MRE11: variants seen among roughly 807,000 people sequenced by gnomAD.
The protein encoded by MRE11 is MRE11 double strand break repair nuclease.
Under a neutral mutation model 91.7 loss-of-function variants are expected in MRE11, and 62 were observed. The ratio of observed to expected loss-of-function variants is 0.68; its 90% confidence interval spans 0.55 to 0.84. The LOEUF (loss-of-function observed/expected upper bound fraction) is 0.84, where lower values mean the gene tolerates loss of function less well. Ranked by LOEUF, MRE11 falls within the 40% of genes least tolerant of loss-of-function variation. The probability of loss-of-function intolerance (pLI) is 0.00; values close to 1 mark genes in which losing one functional copy is unlikely to be tolerated. For missense variants in MRE11, 796 were observed against 852.9 expected, an observed-to-expected ratio of 0.93 and a Z score of 0.83; for synonymous variants, 273 against 271.4, an observed-to-expected ratio of 1.01 and a Z score of -0.06.
At chr11:94,480,920 T>C (rs1946995316) in intron 4 of MRE11, among the ~76,000 whole-genome samples, 1 of 152,210 alleles carries the variant, frequency 6.6e-6, no homozygotes, top group Non-Finnish European at 1.5e-5. Flanking sequence ...TACTGTGCAC[T>C]CAGGATTGAG....
rs13447768 is a variant in MRE11, at chr11:94,416,008, G to A, written c.*4117C>T. 7,106 of 152,214 alleles carry A rather than the reference G, an allele frequency of 0.047. 236 individuals are homozygous for A. The highest frequency in any genetic ancestry group is 0.11 in the Middle Eastern group (33 of 294). The allele number at this position is 152,214 out of a possible 1,614,324, so 9.4% of individuals were successfully genotyped here. On this transcript the variant is annotated 3_prime_UTR_variant, in exon 20 of 20. Coordinates refer to ENST00000323929, the MANE Select transcript of MRE11 (RefSeq NM_005591.4). ...GTATTTTTAGTAGAGTCGGGGTTTC[G>A]CCATGTTGGCCCTGCTGGTCTCGAA...
intron 4 of MRE11, 41 bp downstream of exon 4, chr11:94,485,883 T>C (rs1468518745): frequency 3.2e-6 from 5 of 1,586,888 alleles, no homozygotes; most frequent in South Asian, 1.1e-5. Context: ...GCAAATACCA[T>C]ACACAAGTAA....
At chr11:94,462,861 G>C (rs1023007248) in intron 11 of MRE11, among the ~76,000 whole-genome samples, 1 of 152,188 alleles carries the variant, frequency 6.6e-6, no homozygotes, top group Middle Eastern at 3.4e-3. Context: ...ATTCAGGACA[G>C]AGGCATGAGC....
chr11:94,493,045 C>G (rs539555706), intron 1 of MRE11, 139 bp from the exon 2 acceptor site: 1 of 558,436 alleles, frequency 1.8e-6, no homozygotes, highest in South Asian at 2.5e-5. Context: ...TAAGCACCCA[C>G]TATACTTTTT....
rs1323526867 is a variant in MRE11 at position 94,419,716 on chromosome 11, A to G, written c.*409T>C. On this transcript the variant is annotated 3_prime_UTR_variant, in exon 20 of 20. Coordinates refer to ENST00000323929, the MANE Select transcript of MRE11 (RefSeq NM_005591.4). ...AAACATACATAGTAACAAACAGTGA[A>G]TTTAGACATAGGTTCGCATAAATTG... is the stretch of plus-strand genomic sequence containing the variant. 2 of 241,532 alleles carry G rather than the reference A, an allele frequency of 8.3e-6. No homozygotes were observed. The highest frequency in any genetic ancestry group is 4.4e-5 in the African/African-American group (2 of 45,436). 15.0% of individuals were successfully genotyped at this position (241,532 alleles called of 1,614,324 possible).
intron 14 of MRE11, among the ~76,000 whole-genome samples, chr11:94,449,552 A>T (rs1220428970): frequency 6.6e-6 from 1 of 152,138 alleles, no homozygotes; most frequent in Non-Finnish European, 1.5e-5. Context: ...ACAATGAGCC[A>T]CTCTGCCTTC....
chr11:94,496,846 AG>A, upstream of MRE11: 1 of 1,614,048 alleles, frequency 6.2e-7, no homozygotes, highest in Non-Finnish European at 8.5e-7. Flanking sequence ...ATTCTGATGA[AG>A]ATGAGGAGCA....
At position 94,416,864 on chromosome 11, in the gene MRE11, A is replaced by T. The variant is rs1945040984; in HGVS notation, c.*3261T>A. On this transcript the variant is annotated 3_prime_UTR_variant, in exon 20 of 20. Coordinates refer to ENST00000323929, the MANE Select transcript of MRE11 (RefSeq NM_005591.4). The stretch of plus-strand genomic sequence containing the variant: ...CGTCTCAAAAAAAAAAAACAAAAAA[A>T]ACCCAAAATACTATGAATTAAATTT... 6.6e-6 allele frequency: 1 copy of T among 151,900 alleles called. No individual in the cohort carries two copies. The highest frequency in any genetic ancestry group is 1.5e-5 in the Non-Finnish European group (1 of 67,978). The allele number at this position is 151,900 out of a possible 1,614,324, so 9.4% of individuals were successfully genotyped here. A position where few individuals can be genotyped will look rare whatever the true frequency, so the allele number is the denominator to read the frequency against.
the MRE11 span, among the ~76,000 whole-genome samples, chr11:94,502,944 G>A: frequency 6.6e-6 from 1 of 151,968 alleles, no homozygotes; most frequent in Non-Finnish European, 1.5e-5. Flanking sequence ...CAAAGTGCTG[G>A]GATTACAGAC....
rs1555005270 is a variant in MRE11 at position 94,447,227 on chromosome 11, CTT to C, written c.1773_1774del (p.Gly593LysfsTer12). Reference sequence around the variant, plus strand: ...CTGAACTCAGTGCTCACCTCTTCCTCTTTGAGACCCTCCTCTCGATGCTGAAT... The same window carrying C: ...CTGAACTCAGTGCTCACCTCTTCCTCTGAGACCCTCCTCTCGATGCTGAAT... On this transcript the variant is annotated frameshift_variant, in exon 15 of 20. Coordinates refer to ENST00000323929, the MANE Select transcript of MRE11 (RefSeq NM_005591.4). LOFTEE classifies it high-confidence loss of function. The C allele has an allele frequency of 6.2e-7, 1 of 1,612,824 alleles. No homozygotes were observed. The highest frequency in any genetic ancestry group is 8.5e-7 in the Non-Finnish European group (1 of 1,179,994).
At chr11:94,464,373 A>T (rs1946506133) in intron 10 of MRE11, 134 bp from the exon 11 acceptor site, 12 of 1,188,268 alleles carry the variant, frequency 1.0e-5, no homozygotes, top group Non-Finnish European at 1.4e-5. Context: ...TCTACAGTAG[A>T]TCATGATGGA....
chr11:94,456,190 G>A, intron 14 of MRE11, 86 bp downstream of exon 14: 3 of 1,285,816 alleles, frequency 2.3e-6, no homozygotes, highest in Non-Finnish European at 3.3e-6. Flanking sequence ...CTAGACCTAT[G>A]GACTGACTAT....
intron 16 of MRE11, among the ~76,000 whole-genome samples, chr11:94,441,977 CA>C (rs35673778): frequency 0.028 from 1,339 of 48,134 alleles, 5 homozygotes; most frequent in African/African-American, 0.08. Flanking sequence ...GACTCTGTCT[CA>C]AAAAAAAAAA....
intron 4 of MRE11, among the ~76,000 whole-genome samples, chr11:94,480,429 T>C (rs1321634733): frequency 6.6e-6 from 1 of 152,242 alleles, no homozygotes; most frequent in Non-Finnish European, 1.5e-5. Flanking sequence ...CACACAGTAC[T>C]CCATTGCATG....
chr11:94,478,872 T>G lies in MRE11; in HGVS notation c.407A>C (p.Asp136Ala). Residue 136 changes from aspartate to alanine, a missense_variant, in exon 6 of 20, where the codon GAT (aspartate) becomes GCT (alanine). Transcript: ENST00000323929. The stretch of plus-strand genomic sequence containing the variant: ...TAAAATGTCCAAGGCACAAAGTGCA[T>G]CTGCCTATGCAAAATAATTTCAAAG... The part of the protein sequence containing the change: ...HGNHDDPTGA[D>A]ALCALDILSC... 6.2e-7 allele frequency: 1 copy of G among 1,613,676 alleles called. No individual in the cohort carries two copies. Among genetic ancestry groups the G allele is most frequent in the Non-Finnish European group, 8.5e-7 (1 of 1,179,850 alleles).
chr11:94,431,953 T>C (rs952883305), intron 18 of MRE11, among the ~76,000 whole-genome samples: 4 of 152,038 alleles, frequency 2.6e-5, no homozygotes, highest in African/African-American at 9.7e-5. Context: ...AGCATTTTGA[T>C]CCATTTCTGG....
At chr11:94,422,688 A>T (rs967311183) in intron 19 of MRE11, among the ~76,000 whole-genome samples, 1 of 152,172 alleles carries the variant, frequency 6.6e-6, no homozygotes, top group African/African-American at 2.4e-5. Context: ...AACATTAACT[A>T]TAGTTCAAAG....
intron 16 of MRE11, among the ~76,000 whole-genome samples, chr11:94,445,006 A>G (rs1421427587): frequency 2.0e-5 from 3 of 152,144 alleles, no homozygotes; most frequent in Non-Finnish European, 4.4e-5. Context: ...ATCATCTATA[A>G]TATTAAAAAT....
intron 18 of MRE11, among the ~76,000 whole-genome samples, chr11:94,432,018 G>C (rs79798145): frequency 2.0e-5 from 3 of 151,088 alleles, no homozygotes; most frequent in Non-Finnish European, 4.4e-5. Flanking sequence ...AATTTACAAA[G>C]ACAAGAACAA....
Sources: gnomAD v4.1 joint callset for allele counts (sites outside exome capture counted in the v4.1 genomes callset) on GRCh38, gnomAD v4.1.1 for gene constraint, MANE v1.5 for transcripts, NCBI Gene and HGNC (gene_info 2026-07-23, HGNC 2026-07-21) for gene names.